The following MYBL1 variants were observed in gnomAD, a reference collection of about 807,000 sequenced individuals.
MYBL1 encodes the protein myb-related protein A.
In MYBL1, 17 loss-of-function variants were observed where a neutral mutation model predicts 96.3. That is an observed-to-expected ratio of 0.18 (90% CI 0.12 to 0.26). The LOEUF (loss-of-function observed/expected upper bound fraction) is 0.26. MYBL1 is among the 10% of genes least tolerant of loss of function. The pLI, the probability that MYBL1 is intolerant of heterozygous loss-of-function variation, is 1.00. For synonymous variants in MYBL1, 282 were observed against 292.7 expected (o/e 0.96, Z 0.37); for missense variants, 701 against 882.9 (o/e 0.79, Z 2.61).
At chr8:66,600,343 C>T (rs909864384) in intron 3 of MYBL1, among the ~76,000 whole-genome samples, 6 of 152,154 alleles carry the variant, frequency 3.9e-5, no homozygotes, top group African/African-American at 1.4e-4. Context: ...GCCCAATGTA[C>T]TTAAAATTAT....
At chr8:66,586,998 T>C (rs574934790) in intron 8 of MYBL1, among the ~76,000 whole-genome samples, 3 of 152,074 alleles carry the variant, frequency 2.0e-5, no homozygotes, top group South Asian at 4.1e-4. Context: ...GTAGATCTCA[T>C]AGAAGTATAG....
Position 66,580,312 on chromosome 8 carries a change from A to G in MYBL1, c.922T>C (p.Ser308Pro). 6.2e-7 allele frequency: 1 copy of G among 1,613,798 alleles called. No individual in the cohort carries two copies. Among genetic ancestry groups the G allele is most frequent in the Non-Finnish European group, 8.5e-7 (1 of 1,179,764 alleles). ...SGSFLMDDNM[S>P]NTLNSLDEHT... Reference sequence around the variant, plus strand: ...TCGTCAAGGCTATTTAGAGTATTAGACATGTTATCATCCATGAGGAAACTA... The same window carrying G: ...TCGTCAAGGCTATTTAGAGTATTAGGCATGTTATCATCCATGAGGAAACTA... Residue 308 changes from serine to proline, a missense_variant, in exon 9 of 16, where the codon TCT (serine) becomes CCT (proline). Around this residue, in one of 5 missense-constraint regions of MYBL1, gnomAD observed 396 missense variants for 407.4 expected, o/e 0.97. Coordinates refer to ENST00000522677, the MANE Select transcript of MYBL1 (RefSeq NM_001080416.4).
At chr8:66,599,878 T>A (rs573518377) in intron 3 of MYBL1, among the ~76,000 whole-genome samples, 203 of 152,224 alleles carry the variant, frequency 1.3e-3, no homozygotes, top group South Asian at 9.9e-3. Context: ...AACTATACAG[T>A]TTTAAAGAAA....
intron 9 of MYBL1, among the ~76,000 whole-genome samples, chr8:66,579,045 A>C (rs2129812276): frequency 6.6e-6 from 1 of 152,120 alleles, no homozygotes; most frequent in Non-Finnish European, 1.5e-5. Context: ...ACATATGGAC[A>C]CAGGAAGGGG....
chr8:66,605,084 C>T (rs1333901395), intron 1 of MYBL1, among the ~76,000 whole-genome samples: 1 of 152,104 alleles, frequency 6.6e-6, no homozygotes, highest in Non-Finnish European at 1.5e-5. Context: ...CTTCAATAGT[C>T]AATATTCCTT....
At chr8:66,573,284 A>C (rs915263464) in intron 11 of MYBL1, 80 bp downstream of exon 11, 6 of 1,286,692 alleles carry the variant, frequency 4.7e-6, no homozygotes, top group Non-Finnish European at 6.3e-6. Flanking sequence ...GATACTTGCT[A>C]TTTATATGCA....
rs1478674004 is a variant in MYBL1, at chr8:66,563,351, T to G, written c.*1346A>C. The G allele has an allele frequency of 6.6e-6, 1 of 152,548 alleles. No homozygotes were observed. The highest frequency in any genetic ancestry group is 6.6e-5 in the Admixed American group (1 of 15,258). 9.4% of individuals were successfully genotyped at this position (152,548 alleles called of 1,614,324 possible). A position where few individuals can be genotyped will look rare whatever the true frequency, so the allele number is the denominator to read the frequency against. On this transcript the variant is annotated 3_prime_UTR_variant, in exon 16 of 16. Coordinates refer to ENST00000522677, the MANE Select transcript of MYBL1 (RefSeq NM_001080416.4). ...TTCTATTTACCTGTCAGTGTTTAAG[T>G]TGACAGCACACCATTATATGACTGA...
intron 5 of MYBL1, 88 bp downstream of exon 5, chr8:66,597,242 T>C: frequency 2.1e-6 from 2 of 932,234 alleles, no homozygotes; most frequent in Non-Finnish European, 3.0e-6. Context: ...AAAAAATAAG[T>C]CATCGGGGAC....
chr8:66,597,143 A>G (rs1809883939), intron 5 of MYBL1, among the ~76,000 whole-genome samples, 187 bp downstream of exon 5: 2 of 152,184 alleles, frequency 1.3e-5, no homozygotes, highest in South Asian at 4.1e-4. Flanking sequence ...ATTCATTAAA[A>G]AAGTAATCAT....
At chr8:66,591,146 A>C (rs1809625992) in intron 8 of MYBL1, among the ~76,000 whole-genome samples, 1 of 152,036 alleles carries the variant, frequency 6.6e-6, no homozygotes, top group African/African-American at 2.4e-5. Flanking sequence ...CAGGAGATCG[A>C]GATCATCCTG....
intron 6 of MYBL1, 56 bp from the exon 7 acceptor site, chr8:66,593,250 T>C: frequency 4.2e-6 from 5 of 1,192,846 alleles, no homozygotes; most frequent in Non-Finnish European, 5.9e-6. Flanking sequence ...ATGTTGAAAA[T>C]CTGAAGCAAA....
rs1012484659 is a variant in MYBL1, at chr8:66,579,193, C to T, written c.1101+940G>A. ...CACGTATACATATGTAACTAACCTG[C>T]ATATTGTGCACATGTACCCTAAAAC... is the stretch of plus-strand genomic sequence containing the variant. On this transcript the variant is annotated intron_variant, in intron 9 of 15. Coordinates refer to ENST00000522677, the MANE Select transcript of MYBL1 (RefSeq NM_001080416.4). Among the ~76,000 whole-genome samples, 18 of 151,426 alleles carry T rather than the reference C, an allele frequency of 1.2e-4. No individual in the cohort carries two copies. In the South Asian group the frequency reaches 1.5e-3, roughly 12 times the overall value.
intron 8 of MYBL1, among the ~76,000 whole-genome samples, chr8:66,590,960 A>G (rs558643596): frequency 5.9e-5 from 9 of 152,226 alleles, no homozygotes; most frequent in Non-Finnish European, 1.2e-4. Context: ...TTGAGATGAT[A>G]GATATGCTAA....
chr8:66,566,227 G>C lies in MYBL1; in HGVS notation c.1967C>G (p.Thr656Ser), dbSNP rs773239635. 23 of 1,479,342 alleles carry C rather than the reference G, an allele frequency of 1.6e-5. No individual in the cohort carries two copies. The South Asian group carries it at 3.0e-4, about 19-fold the overall frequency. 91.6% of individuals were successfully genotyped at this position (1,479,342 alleles called of 1,614,324 possible). ...TAATGGTATCATTAATAAGGATGTA[G>C]TAAATCTATTTTCTGACTAAGAGAG... ...ISDMQSENRFTTSLLMIPLLE... is the reference protein window; with the variant it reads ...ISDMQSENRFSTSLLMIPLLE... The change falls in exon 15 of 16, where the codon ACT (threonine) becomes AGT (serine). Residue 656 changes from threonine to serine, a missense_variant. Coordinates refer to ENST00000522677, the MANE Select transcript of MYBL1 (RefSeq NM_001080416.4).
intron 1 of MYBL1, 75 bp from the exon 2 acceptor site, chr8:66,602,598 G>T: frequency 2.1e-6 from 2 of 952,524 alleles, no homozygotes; most frequent in East Asian, 2.7e-5. Flanking sequence ...ACTTGTGTGT[G>T]CAGGTATGAC....
intron 11 of MYBL1, among the ~76,000 whole-genome samples, 183 bp from the exon 12 acceptor site, chr8:66,572,779 T>TA (rs1203295198): frequency 1.1e-4 from 17 of 152,162 alleles, no homozygotes; most frequent in African/African-American, 4.1e-4. Flanking sequence ...TCAATCATCT[T>TA]AAAATAGAAA....
chr8:66,604,039 T>A, intron 1 of MYBL1, among the ~76,000 whole-genome samples: 1 of 148,754 alleles, frequency 6.7e-6, no homozygotes, highest in African/African-American at 2.5e-5. Flanking sequence ...CTACCCAATA[T>A]CAAAATACAC....
At chr8:66,596,734 T>C (rs1471167140) in intron 5 of MYBL1, among the ~76,000 whole-genome samples, 2 of 152,122 alleles carry the variant, frequency 1.3e-5, no homozygotes, top group Non-Finnish European at 2.9e-5. Flanking sequence ...TTTCACAAGG[T>C]TGTTGGTCTG....
intron 15 of MYBL1, 132 bp downstream of exon 15, chr8:66,565,932 T>C (rs1293198678): frequency 4.6e-6 from 3 of 647,656 alleles, no homozygotes; most frequent in South Asian, 2.2e-5. Context: ...GATAAAATAA[T>C]GGTAAATGTT....
Sources: allele counts gnomAD v4.1 joint callset (sites outside exome capture counted in the v4.1 genomes callset), GRCh38; gene constraint gnomAD v4.1.1; regional missense constraint gnomAD v4.1.1; transcripts MANE v1.5; gene names NCBI Gene and HGNC (gene_info 2026-07-23, HGNC 2026-07-21).